MAGI1: variants seen among roughly 807,000 people sequenced by gnomAD.
The protein encoded by MAGI1 is membrane-associated guanylate kinase, WW and PDZ domain-containing protein 1.
MAGI1 carries 58 observed loss-of-function variants against 139.9 expected under a neutral mutation model. The observed-to-expected ratio is 0.41, with a 90% CI of 0.34 to 0.52. MAGI1 has a LOEUF of 0.52. Ranked by LOEUF, MAGI1 falls within the 20% of genes least tolerant of loss-of-function variation. The pLI, the probability that MAGI1 is intolerant of heterozygous loss-of-function variation, is 0.12. For synonymous variants in MAGI1, 812 were observed against 737.9 expected, an observed-to-expected ratio of 1.10 and a Z score of -1.63; for missense variants, 1,874 against 1,901.6, an observed-to-expected ratio of 0.99 and a Z score of 0.27.
At chr3:65,521,431 T>C (rs2078151188) in intron 2 of MAGI1, among the ~76,000 whole-genome samples, 1 of 152,186 alleles carries the variant, frequency 6.6e-6, no homozygotes. Context: ...GCCCACGATT[T>C]AGGAGCAAGT....
chr3:65,440,086 C>T (rs1948165915), intron 8 of MAGI1, 74 bp from the exon 9 acceptor site: 2 of 1,546,638 alleles, frequency 1.3e-6, no homozygotes, highest in African/African-American at 1.4e-5. Context: ...AGACCAAGTC[C>T]CTGGAATCAA....
At chr3:65,927,791 A>G (rs1576101068) in intron 1 of MAGI1, among the ~76,000 whole-genome samples, 1 of 152,128 alleles carries the variant, frequency 6.6e-6, no homozygotes, top group Admixed American at 6.6e-5. Flanking sequence ...AGGGACTCTT[A>G]GGCTCATTCC....
At chr3:65,851,099 T>C (rs968017846) in intron 1 of MAGI1, among the ~76,000 whole-genome samples, 1 of 151,920 alleles carries the variant, frequency 6.6e-6, no homozygotes, top group Admixed American at 6.6e-5. Flanking sequence ...AGAGCGAGAC[T>C]TCATCTGGAG....
intron 1 of MAGI1, among the ~76,000 whole-genome samples, chr3:65,921,593 A>G (rs1323588151): frequency 6.6e-6 from 1 of 152,122 alleles, no homozygotes; most frequent in Non-Finnish European, 1.5e-5. Flanking sequence ...CATAGGCATG[A>G]GCCACCGTGC....
intron 1 of MAGI1, among the ~76,000 whole-genome samples, chr3:66,005,031 A>G (rs2066940799): frequency 6.6e-6 from 1 of 152,236 alleles, no homozygotes; most frequent in Non-Finnish European, 1.5e-5. Flanking sequence ...GTATTAAAAC[A>G]TCTGCTGAAT....
At chr3:65,512,144 G>A (rs12631870) in intron 2 of MAGI1, among the ~76,000 whole-genome samples, 11,720 of 78,538 alleles carry the variant, frequency 0.15, 822 homozygotes, top group East Asian at 0.48. Context: ...TCTCTGGGAC[G>A]CATTCAAAGC....
At position 65,353,881 on chromosome 3, in the gene MAGI1, A is replaced by G. The variant is rs1335998962; in HGVS notation, c.*2497T>C. 5 of 152,214 alleles carry G rather than the reference A, an allele frequency of 3.3e-5. No individual in the cohort carries two copies. Among genetic ancestry groups the G allele is most frequent in the Non-Finnish European group, 7.3e-5 (5 of 68,042 alleles). The allele number at this position is 152,214 out of a possible 1,614,324, so 9.4% of individuals were successfully genotyped here. ...TCCCTGTACAGTACAATATTTCCAA[A>G]CAAATCTGATGTGTGGAATTCAGGT... On this transcript the variant is annotated 3_prime_UTR_variant, in exon 23 of 23. Transcript: ENST00000402939.
chr3:65,560,532 A>G (rs1470653442), intron 2 of MAGI1, among the ~76,000 whole-genome samples: 1 of 152,222 alleles, frequency 6.6e-6, no homozygotes, highest in East Asian at 1.9e-4. Flanking sequence ...AACAAATTCT[A>G]AAGATAGTTC....
At chr3:65,671,438 G>C (rs2086851275) in intron 1 of MAGI1, among the ~76,000 whole-genome samples, 1 of 152,132 alleles carries the variant, frequency 6.6e-6, no homozygotes, top group Non-Finnish European at 1.5e-5. Context: ...ACCCAAATGA[G>C]CTGGCCAAAT....
intron 1 of MAGI1, among the ~76,000 whole-genome samples, chr3:65,689,741 G>T (rs538752047): frequency 6.6e-6 from 1 of 152,304 alleles, no homozygotes; most frequent in Non-Finnish European, 1.5e-5. Flanking sequence ...AGTGCTCATT[G>T]ATTTACTCCA....
intron 5 of MAGI1, among the ~76,000 whole-genome samples, chr3:65,468,444 C>T (rs922140228): frequency 6.6e-5 from 9 of 136,550 alleles, no homozygotes; most frequent in Non-Finnish European, 3.0e-5. Context: ...GGTGCAATCT[C>T]GGCTCACTGC....
At position 65,494,123 on chromosome 3, in the gene MAGI1, C is replaced by T. The variant is rs1207176095; in HGVS notation, c.431-492G>A. Among the ~76,000 whole-genome samples, 6 of 152,174 alleles carry T rather than the reference C, an allele frequency of 3.9e-5. 1 individual carries two copies. The highest frequency in any genetic ancestry group is 3.3e-4 in the Admixed American group (5 of 15,276). ...AAGAAAATGACACCTGCTGCATAAA[C>T]ACATCACCAGAGAAATATGATTGCC... On this transcript the variant is annotated intron_variant, in intron 2 of 22. Transcript: ENST00000402939.
chr3:65,419,574 C>G (rs73832837), intron 12 of MAGI1, among the ~76,000 whole-genome samples: 12,103 of 152,166 alleles, frequency 0.08, 1,006 homozygotes, highest in African/African-American at 0.21. Flanking sequence ...CAACTGCCTA[C>G]ATTTCTGTTT....
intron 5 of MAGI1, among the ~76,000 whole-genome samples, chr3:65,469,287 C>T (rs982771709): frequency 2.6e-5 from 4 of 151,946 alleles, no homozygotes; most frequent in Admixed American, 6.6e-5. Flanking sequence ...TCAATCTATA[C>T]GAGTATAACA....
At position 65,466,674 on chromosome 3, in the gene MAGI1, G is replaced by A. The variant is rs1349158168; in HGVS notation, c.959+3609C>T. ...AACCTCCTCTGACACCACACCAGTG[G>A]GGAGGAAGAGGGTGTTTCATTACTG... is the stretch of plus-strand genomic sequence containing the variant. On this transcript the variant is annotated intron_variant, in intron 5 of 22. Coordinates refer to ENST00000402939, the MANE Select transcript of MAGI1 (RefSeq NM_001033057.2). Among the ~76,000 whole-genome samples, 4 of 152,298 alleles carry A rather than the reference G, an allele frequency of 2.6e-5. No individual in the cohort carries two copies. The South Asian group carries it at 8.3e-4, about 32-fold the overall frequency.
At chr3:65,709,446 A>G (rs1404934377) in intron 1 of MAGI1, among the ~76,000 whole-genome samples, 1 of 152,212 alleles carries the variant, frequency 6.6e-6, no homozygotes, top group Admixed American at 6.5e-5. Flanking sequence ...CTATTAATAC[A>G]TCTGAGGTCT....
In MAGI1 at chr3:65,353,566, A is replaced by C. The variant is rs1359200824; in HGVS notation, c.*2812T>G. 1 of 152,216 alleles carries C rather than the reference A, an allele frequency of 6.6e-6. No homozygotes were observed. The highest frequency in any genetic ancestry group is 1.5e-5 in the Non-Finnish European group (1 of 68,048). 9.4% of individuals were successfully genotyped at this position (152,216 alleles called of 1,614,324 possible). ...TACATTTCCATGTATTTTTACAGTAAAAATGCATTAAAAAATCTTTCACAA... is the reference window on the plus strand; with the variant it reads ...TACATTTCCATGTATTTTTACAGTACAAATGCATTAAAAAATCTTTCACAA... On this transcript the variant is annotated 3_prime_UTR_variant, in exon 23 of 23. Coordinates refer to ENST00000402939, the MANE Select transcript of MAGI1 (RefSeq NM_001033057.2).
chr3:65,454,397 G>C (rs955759262), intron 5 of MAGI1, among the ~76,000 whole-genome samples: 3 of 147,782 alleles, frequency 2.0e-5, no homozygotes, highest in African/African-American at 7.4e-5. Flanking sequence ...TGGGGGAGGG[G>C]AGAGGGATAG....
chr3:65,989,057 G>T (rs963857677), intron 1 of MAGI1, among the ~76,000 whole-genome samples: 3 of 152,182 alleles, frequency 2.0e-5, no homozygotes, highest in Non-Finnish European at 4.4e-5. Context: ...GAAGGACAGA[G>T]CCAAGAACCT....
Sources: gnomAD v4.1 joint callset for allele counts (sites outside exome capture counted in the v4.1 genomes callset) on GRCh38, gnomAD v4.1.1 for gene constraint, MANE v1.5 for transcripts, NCBI Gene and HGNC (gene_info 2026-07-23, HGNC 2026-07-21) for gene names.